MGAT4A: variants seen among roughly 807,000 people sequenced by gnomAD.
MGAT4A encodes the protein alpha-1,3-mannosyl-glycoprotein 4-beta-N-acetylglucosaminyltransferase A.
In MGAT4A, 33 loss-of-function variants were observed where a neutral mutation model predicts 74.1. The observed-to-expected ratio is 0.45, with a 90% CI of 0.34 to 0.60. The LOEUF (loss-of-function observed/expected upper bound fraction) is 0.60. Ranked by LOEUF, MGAT4A falls within the 20% of genes least tolerant of loss-of-function variation. The pLI is 0.02. For missense variants in MGAT4A, 479 were observed against 628.3 expected (o/e 0.76, Z 2.54); for synonymous variants, 198 against 210.4 (o/e 0.94, Z 0.51).
intron 2 of MGAT4A, among the ~76,000 whole-genome samples, chr2:98,687,071 C>A: frequency 6.6e-6 from 1 of 152,074 alleles, no homozygotes; most frequent in Non-Finnish European, 1.5e-5. Flanking sequence ...TAAAAATTAT[C>A]AGGTGGTTAT....
intron 8 of MGAT4A, among the ~76,000 whole-genome samples, chr2:98,652,386 A>G (rs1701593077): frequency 1.4e-5 from 2 of 144,652 alleles, no homozygotes; most frequent in African/African-American, 2.6e-5. Context: ...GCTGGAGTGC[A>G]GTGGCGCTAT....
Position 98,619,270 on chromosome 2 carries a change from A to T in MGAT4A, c.*6296T>A, listed in dbSNP as rs1701009961. 1 of 152,674 alleles carries T rather than the reference A, an allele frequency of 6.5e-6. No individual in the cohort carries two copies. Among genetic ancestry groups the T allele is most frequent in the South Asian group, 2.1e-4 (1 of 4,836 alleles). 9.5% of individuals were successfully genotyped at this position (152,674 alleles called of 1,614,324 possible). A position where few individuals can be genotyped will look rare whatever the true frequency, so the allele number is the denominator to read the frequency against. ...TTTCAATTATAGCAGCAAATCTGAA[A>T]ATAAATAATCTTCCTTTAAAAATCC... On this transcript the variant is annotated 3_prime_UTR_variant, in exon 16 of 16. Coordinates refer to ENST00000393487, the MANE Select transcript of MGAT4A (RefSeq NM_012214.3).
chr2:98,672,506 T>C (rs1386162673), intron 4 of MGAT4A, among the ~76,000 whole-genome samples: 1 of 152,210 alleles, frequency 6.6e-6, no homozygotes. Flanking sequence ...GAGTCTTTGC[T>C]CAGCCCTCTT....
intron 14 of MGAT4A, among the ~76,000 whole-genome samples, chr2:98,631,165 C>A (rs149032782): frequency 6.6e-6 from 1 of 152,220 alleles, no homozygotes. Context: ...TTAGCTATCA[C>A]GCTCTACTCT....
Position 98,726,352 on chromosome 2 carries a change from G to A in MGAT4A, c.-20C>T, listed in dbSNP as rs1183695590. ...CCTCATCTCATTTCACCATCACACT[G>A]GTCCATATGTTTATGATGACAACAA... On this transcript the variant is annotated 5_prime_UTR_variant, in exon 2 of 16. It introduces an in-frame stop codon into an upstream open reading frame of the 5' UTR. Transcript: ENST00000393487. The A allele has an allele frequency of 1.9e-6, 3 of 1,598,336 alleles. No homozygotes were observed. Among genetic ancestry groups the A allele is most frequent in the East Asian group, 4.5e-5 (2 of 44,782 alleles).
chr2:98,622,392 A>AT lies in MGAT4A; in HGVS notation c.*3173dup. 2 of 985,458 alleles carry AT rather than the reference A, an allele frequency of 2.0e-6. No individual in the cohort carries two copies. Among genetic ancestry groups the AT allele is most frequent in the Non-Finnish European group, 2.4e-6 (2 of 829,948 alleles). The allele number at this position is 985,458 out of a possible 1,614,324, so 61.0% of individuals were successfully genotyped here. A position where few individuals can be genotyped will look rare whatever the true frequency, so the allele number is the denominator to read the frequency against. ...TGTGATGGCAGAACCGGGTAAAAAA[A>AT]TGTTTTTATTTAAACAGCCCCCATG... On this transcript the variant is annotated 3_prime_UTR_variant, in exon 16 of 16. Transcript: ENST00000393487.
chr2:98,657,516 A>T (rs1482355409), intron 6 of MGAT4A, among the ~76,000 whole-genome samples: 1 of 152,234 alleles, frequency 6.6e-6, no homozygotes, highest in African/African-American at 2.4e-5. Flanking sequence ...TAATGTTTTT[A>T]AATATTCAAT....
At chr2:98,650,452 G>C (rs76617154) in intron 8 of MGAT4A, among the ~76,000 whole-genome samples, 2 of 152,130 alleles carry the variant, frequency 1.3e-5, no homozygotes, top group East Asian at 3.8e-4. Flanking sequence ...TAATGAAGTT[G>C]TCAAAAGTCA....
intron 7 of MGAT4A, 82 bp from the exon 8 acceptor site, chr2:98,655,602 G>A (rs989140424): frequency 1.2e-6 from 1 of 864,294 alleles, no homozygotes. Flanking sequence ...AATGTCAAAT[G>A]TCTACATAAC....
chr2:98,654,428 A>C (rs1701629530), intron 8 of MGAT4A, among the ~76,000 whole-genome samples: 1 of 152,164 alleles, frequency 6.6e-6, no homozygotes, highest in Admixed American at 6.5e-5. Flanking sequence ...GAATCCACCA[A>C]AAACTACAAG....
intron 2 of MGAT4A, among the ~76,000 whole-genome samples, chr2:98,720,069 T>C (rs1207937653): frequency 1.3e-5 from 2 of 152,154 alleles, no homozygotes; most frequent in African/African-American, 4.8e-5. Context: ...AAACTATTAA[T>C]AAGAAGAGAG....
Position 98,726,529 on chromosome 2 carries a change from T to C in MGAT4A, c.-197A>G. On this transcript the variant is annotated 5_prime_UTR_variant, in exon 2 of 16. Coordinates refer to ENST00000393487, the MANE Select transcript of MGAT4A (RefSeq NM_012214.3). ...TCACAACTGTACTCGGGATCGTCTT[T>C]GCGGTCTTCACACGCTGATGCCTCG... 1 of 460,590 alleles carries C rather than the reference T, an allele frequency of 2.2e-6. No individual in the cohort carries two copies. Among genetic ancestry groups the C allele is most frequent in the Non-Finnish European group, 3.9e-6 (1 of 259,496 alleles). 28.5% of individuals were successfully genotyped at this position (460,590 alleles called of 1,614,324 possible). A position where few individuals can be genotyped will look rare whatever the true frequency, so the allele number is the denominator to read the frequency against.
chr2:98,717,856 C>A (rs1476088643), intron 2 of MGAT4A, among the ~76,000 whole-genome samples: 1 of 152,176 alleles, frequency 6.6e-6, no homozygotes, highest in Non-Finnish European at 1.5e-5. Flanking sequence ...CGAAGGCACT[C>A]AAAAAACACA....
At chr2:98,654,771 A>AT (rs1179820675) in intron 8 of MGAT4A, among the ~76,000 whole-genome samples, 1 of 152,140 alleles carries the variant, frequency 6.6e-6, no homozygotes, top group Non-Finnish European at 1.5e-5. Flanking sequence ...TTCCCAAGGC[A>AT]TTTTTTACAG....
chr2:98,664,632 T>C (rs1303756230), intron 4 of MGAT4A, among the ~76,000 whole-genome samples: 5 of 152,220 alleles, frequency 3.3e-5, no homozygotes, highest in African/African-American at 1.2e-4. Flanking sequence ...ACTTACAAGC[T>C]GCAATCCTTC....
At chr2:98,661,338 C>A (rs1575256535) in intron 5 of MGAT4A, among the ~76,000 whole-genome samples, 1 of 152,090 alleles carries the variant, frequency 6.6e-6, no homozygotes, top group Non-Finnish European at 1.5e-5. Flanking sequence ...CATGGATCCA[C>A]TGTATCCATA....
rs1372715977 is a variant in MGAT4A at position 98,647,055 on chromosome 2, C to A, written c.775-1513G>T. Among the ~76,000 whole-genome samples, 3 of 152,148 alleles carry A rather than the reference C, an allele frequency of 2.0e-5. No homozygotes were observed. The East Asian group carries it at 5.8e-4, about 29-fold the overall frequency. ...GTAATCTAATAAAGGAAGAAAAATT[C>A]TTTATAGAAGAACTCAACATAGCAT... On this transcript the variant is annotated intron_variant, in intron 8 of 15. Transcript: ENST00000393487.
At chr2:98,635,797 C>T (rs1215877880) in intron 13 of MGAT4A, among the ~76,000 whole-genome samples, 2 of 151,636 alleles carry the variant, frequency 1.3e-5, no homozygotes, top group East Asian at 3.9e-4. Flanking sequence ...TCAAGACCAT[C>T]CTGGCCAGTG....
chr2:98,650,318 G>A (rs2104251048), intron 8 of MGAT4A, among the ~76,000 whole-genome samples: 1 of 152,254 alleles, frequency 6.6e-6, no homozygotes, highest in South Asian at 2.1e-4. Flanking sequence ...CACATTATGA[G>A]AGTTCTACAA....
Sources: gnomAD v4.1 joint callset for allele counts (sites outside exome capture counted in the v4.1 genomes callset) on GRCh38, gnomAD v4.1.1 for gene constraint, MANE v1.5 for transcripts, NCBI Gene and HGNC (gene_info 2026-07-23, HGNC 2026-07-21) for gene names.